The following NUP50 variants were observed in gnomAD, a reference collection of about 807,000 sequenced individuals.
NUP50 encodes nuclear pore complex protein Nup50.
Under a neutral mutation model 36.8 loss-of-function variants are expected in NUP50, and 14 were observed. That is an observed-to-expected ratio of 0.38 (90% confidence interval 0.25 to 0.59). The LOEUF (loss-of-function observed/expected upper bound fraction) is 0.59, where lower values mean the gene tolerates loss of function less well. Ranked by LOEUF, NUP50 falls within the 20% of genes least tolerant of loss-of-function variation. The probability of loss-of-function intolerance (pLI) is 0.63; values close to 1 mark genes in which losing one functional copy is unlikely to be tolerated. For missense variants in NUP50, 455 were observed against 564.6 expected, an observed-to-expected ratio of 0.81 and a Z score of 1.97; for synonymous variants, 195 against 210.8, an observed-to-expected ratio of 0.93 and a Z score of 0.65.
At chr22:45,170,916 A>C in intron 2 of NUP50, 2 of 1,191,516 alleles carry the variant, frequency 1.7e-6, no homozygotes, top group Non-Finnish European at 2.2e-6. Flanking sequence ...GGAGCCCGTT[A>C]AGTTTAATAT....
chr22:45,172,944 A>G (rs1387657963), intron 3 of NUP50, among the ~76,000 whole-genome samples: 1 of 152,238 alleles, frequency 6.6e-6, no homozygotes, highest in Non-Finnish European at 1.5e-5. Flanking sequence ...GTAATCCTAC[A>G]TGAAATCGAT....
At chr22:45,172,844 ACAATT>A (rs951804352) in intron 3 of NUP50, among the ~76,000 whole-genome samples, 9 of 152,206 alleles carry the variant, frequency 5.9e-5, no homozygotes, top group African/African-American at 2.2e-4. Context: ...TAATGGGAAA[ACAATT>A]CAAATTATAA....
At position 45,181,141 on chromosome 22, in the gene NUP50, C is replaced by G. The variant is rs1025638245; in HGVS notation, c.1004-145C>G. 5 of 168,150 alleles carry G rather than the reference C, an allele frequency of 3.0e-5. 1 individual carries two copies. The highest frequency in any genetic ancestry group is 6.2e-5 in the Non-Finnish European group (5 of 80,232). 10.4% of individuals were successfully genotyped at this position (168,150 alleles called of 1,614,324 possible). On this transcript the variant is annotated intron_variant, in intron 5 of 7. Coordinates refer to ENST00000347635, the MANE Select transcript of NUP50 (RefSeq NM_007172.4). ...CAGGTACTCCCTTCTGGCATCCCCC[C>G]CCCCCCCCATTAAGTGTGCATTTTA...
intron 4 of NUP50, among the ~76,000 whole-genome samples, chr22:45,177,468 A>AC (rs1432903725): frequency 2.0e-5 from 3 of 152,192 alleles, no homozygotes; most frequent in African/African-American, 7.2e-5. Context: ...TGCGTGAGCC[A>AC]CCACACCTGG....
In NUP50 at chr22:45,185,411, G is replaced by A. The variant is rs1263249917; in HGVS notation, c.*756G>A. Reference sequence around the variant, plus strand: ...GGGATTGCCAGGAATGGGTTTAAAAGCACAAATGTGGTAGCTTATCATCTA... The same window carrying A: ...GGGATTGCCAGGAATGGGTTTAAAAACACAAATGTGGTAGCTTATCATCTA... On this transcript the variant is annotated 3_prime_UTR_variant, in exon 8 of 8. Transcript: ENST00000347635. 1 of 152,356 alleles carries A rather than the reference G, an allele frequency of 6.6e-6. No homozygotes were observed. Among genetic ancestry groups the A allele is most frequent in the African/African-American group, 2.4e-5 (1 of 41,360 alleles). The allele number at this position is 152,356 out of a possible 1,614,324, so 9.4% of individuals were successfully genotyped here.
intron 3 of NUP50, among the ~76,000 whole-genome samples, chr22:45,174,675 C>CA (rs1569048699): frequency 6.6e-6 from 1 of 151,812 alleles, no homozygotes; most frequent in African/African-American, 2.4e-5. Flanking sequence ...ATAGTTTGTC[C>CA]ATGAATCATT....
chr22:45,164,979 C>T (rs1438518843), intron 1 of NUP50: 9 of 152,146 alleles, frequency 5.9e-5, no homozygotes, highest in African/African-American at 4.8e-5. Context: ...CTTACTTGGC[C>T]CCCTTGTTGT....
intron 6 of NUP50, among the ~76,000 whole-genome samples, chr22:45,181,771 T>C (rs2074377622): frequency 6.6e-6 from 1 of 152,168 alleles, no homozygotes; most frequent in Admixed American, 6.5e-5. Context: ...TCTCATCCCT[T>C]CCTGGAGACT....
In NUP50 at chr22:45,186,881, T is replaced by C. The variant is rs534382725; in HGVS notation, c.*2226T>C. 3.9e-5 allele frequency: 6 copies of C among 152,666 alleles called. No homozygotes were observed. Among genetic ancestry groups the C allele is most frequent in the African/African-American group, 1.4e-4 (6 of 41,588 alleles). 9.5% of individuals were successfully genotyped at this position (152,666 alleles called of 1,614,324 possible). A position where few individuals can be genotyped will look rare whatever the true frequency, so the allele number is the denominator to read the frequency against. Reference sequence around the variant, plus strand: ...AGAGCCTGAGTATACGTGGATTTCATTGTAAAATTTAACTCCTTGTCTTTT... The same window carrying C: ...AGAGCCTGAGTATACGTGGATTTCACTGTAAAATTTAACTCCTTGTCTTTT... On this transcript the variant is annotated 3_prime_UTR_variant, in exon 8 of 8. Coordinates refer to ENST00000347635, the MANE Select transcript of NUP50 (RefSeq NM_007172.4).
At chr22:45,174,383 C>A (rs2074245540) in intron 3 of NUP50, among the ~76,000 whole-genome samples, 1 of 152,072 alleles carries the variant, frequency 6.6e-6, no homozygotes, top group Non-Finnish European at 1.5e-5. Flanking sequence ...CACTCTGTTG[C>A]CCAGGGTGGT....
At position 45,182,793 on chromosome 22, in the gene NUP50, T is replaced by G. The variant is rs527262821; in HGVS notation, c.1086-609T>G. ...GTGCCCGCCACCACGCTCAGCTAAT[T>G]TTTTGTATTTTTAGTAGAGACGGGG... On this transcript the variant is annotated intron_variant, in intron 6 of 7. Coordinates refer to ENST00000347635, the MANE Select transcript of NUP50 (RefSeq NM_007172.4). Among the ~76,000 whole-genome samples the G allele has an allele frequency of 2.6e-5, 4 of 151,644 alleles. No homozygotes were observed. The East Asian group carries it at 5.9e-4, about 22-fold the overall frequency.
intron 2 of NUP50, 152 bp from the exon 3 acceptor site, chr22:45,171,448 C>T: frequency 1.4e-6 from 1 of 698,344 alleles, no homozygotes; most frequent in South Asian, 1.9e-5. Context: ...TCCCAAAGCG[C>T]TAGTATTATA....
intron 5 of NUP50, chr22:45,179,458 C>G (rs915769106): frequency 7.2e-5 from 11 of 153,170 alleles, no homozygotes; most frequent in African/African-American, 2.6e-4. Flanking sequence ...TCGTCAGTGC[C>G]CCAGACAAGG....
intron 5 of NUP50, among the ~76,000 whole-genome samples, chr22:45,179,674 C>T (rs2074335280): frequency 6.6e-6 from 1 of 152,146 alleles, no homozygotes; most frequent in African/African-American, 2.4e-5. Context: ...CACCTGAGGC[C>T]AGGAGTTTGA....
intron 1 of NUP50, 47 bp from the exon 2 acceptor site, chr22:45,168,121 A>G: frequency 7.2e-7 from 1 of 1,383,810 alleles, no homozygotes; most frequent in Admixed American, 2.0e-5. Context: ...TCTTTATAAG[A>G]ATTTATTCTT....
chr22:45,175,590 G>A (rs574331425), intron 3 of NUP50, among the ~76,000 whole-genome samples: 1 of 152,278 alleles, frequency 6.6e-6, no homozygotes, highest in South Asian at 2.1e-4. Flanking sequence ...GAGGCTGGGT[G>A]GTGGGTACAT....
chr22:45,165,611 T>C lies in NUP50; in HGVS notation c.-11+1315T>C, dbSNP rs76884176. Among the ~76,000 whole-genome samples, 892 of 152,342 alleles carry C rather than the reference T, an allele frequency of 5.9e-3. 11 individuals carry two copies. The highest frequency in any genetic ancestry group is 0.02 in the African/African-American group (851 of 41,576). On this transcript the variant is annotated intron_variant, in intron 1 of 7. Coordinates refer to ENST00000347635, the MANE Select transcript of NUP50 (RefSeq NM_007172.4). ...CCACTTCTAGCATAAAAGTAAAATG[T>C]ATTGTCTGAAGTGTCATGCTTTGAA...
chr22:45,174,586 C>G (rs1365202300), intron 3 of NUP50, among the ~76,000 whole-genome samples: 1 of 152,166 alleles, frequency 6.6e-6, no homozygotes, highest in Non-Finnish European at 1.5e-5. Context: ...AATTTACTAT[C>G]AGCAATTTCT....
At chr22:45,166,816 G>A (rs1286379204) in intron 1 of NUP50, among the ~76,000 whole-genome samples, 1 of 152,008 alleles carries the variant, frequency 6.6e-6, no homozygotes, top group Non-Finnish European at 1.5e-5. Context: ...TAAAAAGAGA[G>A]GGTTCCCAGC....
Sources: gnomAD v4.1 joint callset for allele counts (sites outside exome capture counted in the v4.1 genomes callset) on GRCh38, gnomAD v4.1.1 for gene constraint, MANE v1.5 for transcripts, NCBI Gene and HGNC (gene_info 2026-07-23, HGNC 2026-07-21) for gene names.